ATRNL1: variants seen among roughly 807,000 people sequenced by gnomAD.
The protein encoded by ATRNL1 is attractin-like protein 1.
In ATRNL1, 95 loss-of-function variants were observed where a neutral mutation model predicts 182.7. The observed-to-expected ratio is 0.52, with a 90% CI of 0.44 to 0.62. The LOEUF (loss-of-function observed/expected upper bound fraction) is 0.62. Among genes scored for constraint, ATRNL1 ranks in the 20% least tolerant of loss-of-function variants. The pLI, the probability that ATRNL1 is intolerant of heterozygous loss-of-function variation, is 0.00. For missense variants in ATRNL1, 1,471 were observed against 1,679.5 expected, an observed-to-expected ratio of 0.88 and a Z score of 2.17; for synonymous variants, 576 against 568.3, an observed-to-expected ratio of 1.01 and a Z score of -0.19.
chr10:115,862,065 G>A (rs1951330082), intron 28 of ATRNL1, among the ~76,000 whole-genome samples: 1 of 152,288 alleles, frequency 6.6e-6, no homozygotes, highest in South Asian at 2.1e-4. Context: ...CTCTGCTTCT[G>A]CTCCTTGGAC....
intron 9 of ATRNL1, among the ~76,000 whole-genome samples, chr10:115,228,717 TA>T (rs1413509259): frequency 6.6e-6 from 1 of 151,950 alleles, no homozygotes; most frequent in Non-Finnish European, 1.5e-5. Flanking sequence ...TTTTTATTTT[TA>T]TTTTTTTCCA....
rs535009413 is a variant in ATRNL1 at position 115,395,211 on chromosome 10, C to T, written c.3269+459C>T. ...TCATTTTTTATGGCTGTGTAGTATT[C>T]CATGGTGTATGTGGACCACATTTTC... On this transcript the variant is annotated intron_variant, in intron 20 of 28. Coordinates refer to ENST00000355044, the MANE Select transcript of ATRNL1 (RefSeq NM_207303.4). 4.6e-5 allele frequency among the ~76,000 whole-genome samples: 7 copies of T among 151,982 alleles called. No individual in the cohort carries two copies. The East Asian group carries it at 1.4e-3, about 29-fold the overall frequency.
intron 26 of ATRNL1, among the ~76,000 whole-genome samples, chr10:115,571,180 T>C (rs1404708983): frequency 6.6e-6 from 1 of 152,176 alleles, no homozygotes; most frequent in Non-Finnish European, 1.5e-5. Context: ...TTCTAGTCCT[T>C]TTATAGACTA....
chr10:115,308,476 T>C (rs1389734626), intron 17 of ATRNL1, among the ~76,000 whole-genome samples: 1 of 152,192 alleles, frequency 6.6e-6, no homozygotes, highest in Non-Finnish European at 1.5e-5. Context: ...TGTAAGTTTA[T>C]GTGTTCAATT....
chr10:115,651,638 G>A (rs1339636520), intron 26 of ATRNL1, among the ~76,000 whole-genome samples: 1 of 152,176 alleles, frequency 6.6e-6, no homozygotes, highest in Non-Finnish European at 1.5e-5. Flanking sequence ...AAATGAAAAT[G>A]TGAGCAAGGC....
chr10:115,924,623 C>G (rs1445846554), intron 28 of ATRNL1, among the ~76,000 whole-genome samples: 3 of 152,076 alleles, frequency 2.0e-5, no homozygotes, highest in Non-Finnish European at 2.9e-5. Flanking sequence ...TATTTTGGTA[C>G]CAGTACCATG....
chr10:115,303,120 G>A (rs1853558404), intron 17 of ATRNL1, among the ~76,000 whole-genome samples: 1 of 73,870 alleles, frequency 1.4e-5, no homozygotes, highest in Non-Finnish European at 2.5e-5. Context: ...CAGACTTTAT[G>A]TCCTTTTTTT....
intron 25 of ATRNL1, among the ~76,000 whole-genome samples, chr10:115,549,050 T>C (rs1554994702): frequency 1.3e-5 from 2 of 152,276 alleles, no homozygotes; most frequent in Non-Finnish European, 1.5e-5. Context: ...TTATTTAATA[T>C]GTTCATATAT....
At chr10:115,105,653 G>T (rs1843975593) in intron 1 of ATRNL1, among the ~76,000 whole-genome samples, 2 of 152,224 alleles carry the variant, frequency 1.3e-5, no homozygotes, top group Admixed American at 1.3e-4. Context: ...GGTGTCCCTT[G>T]TCCCAGCTGC....
intron 26 of ATRNL1, among the ~76,000 whole-genome samples, chr10:115,578,310 G>A (rs983579255): frequency 6.6e-6 from 1 of 151,660 alleles, no homozygotes; most frequent in South Asian, 2.1e-4. Flanking sequence ...TTTTTTGGAG[G>A]TGTTTAAGAA....
intron 27 of ATRNL1, among the ~76,000 whole-genome samples, chr10:115,840,393 C>T (rs1555096710): frequency 2.0e-5 from 3 of 152,084 alleles, no homozygotes; most frequent in African/African-American, 7.2e-5. Flanking sequence ...AGAGCAATTC[C>T]AAAGCAAAGT....
Position 115,376,016 on chromosome 10 carries a change from G to T in ATRNL1, c.3176-18643G>T, listed in dbSNP as rs540333930. 5.9e-4 allele frequency among the ~76,000 whole-genome samples: 90 copies of T among 151,982 alleles called. No individual in the cohort carries two copies. In the Middle Eastern group the frequency reaches 0.031, roughly 52 times the overall value. ...TCCTTTAGTATTTATTGTAAATCAG[G>T]TCAAGTGGTGGTGGACTCTCTTAGC... is the stretch of plus-strand genomic sequence containing the variant. On this transcript the variant is annotated intron_variant, in intron 19 of 28. Transcript: ENST00000355044.
At chr10:115,253,899 C>T (rs190401018) in intron 10 of ATRNL1, among the ~76,000 whole-genome samples, 1 of 152,112 alleles carries the variant, frequency 6.6e-6, no homozygotes, top group African/African-American at 2.4e-5. Flanking sequence ...GGTTTTCTTT[C>T]CTTGTGATAG....
chr10:115,284,375 G>A (rs574965844), intron 14 of ATRNL1, among the ~76,000 whole-genome samples: 13 of 152,256 alleles, frequency 8.5e-5, no homozygotes, highest in South Asian at 2.1e-4. Flanking sequence ...AGAAAAAACC[G>A]TAATTTAAGA....
At chr10:115,837,092 G>T (rs1250959112) in intron 27 of ATRNL1, among the ~76,000 whole-genome samples, 3 of 152,092 alleles carry the variant, frequency 2.0e-5, no homozygotes, top group African/African-American at 7.2e-5. Context: ...GGAAAAGACA[G>T]ATTTGAAGAG....
intron 25 of ATRNL1, among the ~76,000 whole-genome samples, chr10:115,532,884 G>T (rs1451781018): frequency 1.3e-5 from 2 of 152,030 alleles, no homozygotes; most frequent in Non-Finnish European, 2.9e-5. Flanking sequence ...TGTGGTTTTT[G>T]TCTTTGGTTC....
intron 28 of ATRNL1, among the ~76,000 whole-genome samples, chr10:115,865,376 A>G (rs1410187089): frequency 2.0e-5 from 3 of 152,154 alleles, no homozygotes; most frequent in Non-Finnish European, 4.4e-5. Context: ...GTAAAAAGCT[A>G]ATAGAAGTAT....
chr10:115,110,888 C>T (rs1179495997), intron 1 of ATRNL1, among the ~76,000 whole-genome samples: 1 of 152,134 alleles, frequency 6.6e-6, no homozygotes, highest in Non-Finnish European at 1.5e-5. Context: ...TTTCTTTGGT[C>T]TGCCATGAAT....
intron 28 of ATRNL1, among the ~76,000 whole-genome samples, chr10:115,887,979 GA>G (rs1951990400): frequency 6.6e-6 from 1 of 151,936 alleles, no homozygotes; most frequent in African/African-American, 2.4e-5. Flanking sequence ...TAATCTTTTG[GA>G]TAGGCATATT....
Sources: gnomAD v4.1 joint callset for allele counts (sites outside exome capture counted in the v4.1 genomes callset) on GRCh38, gnomAD v4.1.1 for gene constraint, MANE v1.5 for transcripts, NCBI Gene and HGNC (gene_info 2026-07-23, HGNC 2026-07-21) for gene names.